Variants in TPM2 observed in about 807,000 individuals in gnomAD.
The protein encoded by TPM2 is tropomyosin beta chain.
A neutral mutation model predicts 41.0 loss-of-function variants in TPM2; 26 were observed. That is an observed-to-expected ratio of 0.63 (90% CI 0.46 to 0.88). TPM2 has a LOEUF of 0.88. Among genes scored for constraint, TPM2 ranks in the 40% least tolerant of loss-of-function variants. The pLI, the probability that TPM2 is intolerant of heterozygous loss-of-function variation, is 0.00. For missense variants in TPM2, 187 were observed against 355.2 expected (o/e 0.53, Z 3.81); for synonymous variants, 143 against 139.3 (o/e 1.03, Z -0.19).
intron 8 of TPM2, chr9:35,683,896 CAG>C (rs1435569772): frequency 2.7e-6 from 1 of 375,596 alleles, no homozygotes; most frequent in Non-Finnish European, 5.1e-6. Flanking sequence ...GGGTGCCACT[CAG>C]AGTGTGGCAT....
chr9:35,687,569 T>C (rs1824993261), intron 2 of TPM2, among the ~76,000 whole-genome samples: 1 of 151,936 alleles, frequency 6.6e-6, no homozygotes, highest in African/African-American at 2.4e-5. Context: ...GAGTAGATGG[T>C]AGCTTGTCTT....
intron 1 of TPM2, 47 bp from the exon 2 acceptor site, chr9:35,689,318 C>G (rs1444418248): frequency 6.2e-7 from 1 of 1,612,274 alleles, no homozygotes; most frequent in Non-Finnish European, 8.5e-7. Context: ...GGGGCCCAGG[C>G]CCAGAATGGA....
intron 2 of TPM2, among the ~76,000 whole-genome samples, chr9:35,688,779 C>A (rs995027244): frequency 6.6e-6 from 1 of 152,192 alleles, no homozygotes; most frequent in South Asian, 2.1e-4. Flanking sequence ...CACATCCCCC[C>A]ATCCCCAAAC....
chr9:35,682,251 A>G (rs541140582), downstream of TPM2: 329 of 1,399,232 alleles, frequency 2.4e-4, 1 homozygote, highest in Middle Eastern at 1.4e-3. Flanking sequence ...ACATATAGAC[A>G]TGGAGTGGGT....
chr9:35,685,878 G>A lies in TPM2; in HGVS notation c.241-98C>T. On this transcript the variant is annotated intron_variant, in intron 2 of 8. Transcript: ENST00000645482. The surrounding 1 kb of genome is among the most constrained non-coding windows in gnomAD (Gnocchi z 5.0). Reference sequence around the variant, plus strand: ...GGCGAGATTCTTCTCAGAAAGAACTGAGGCTTCCTGGTTTCTAGACATTCT... The same window carrying A: ...GGCGAGATTCTTCTCAGAAAGAACTAAGGCTTCCTGGTTTCTAGACATTCT... 2 of 1,583,172 alleles carry A rather than the reference G, an allele frequency of 1.3e-6. No homozygotes were observed. Among genetic ancestry groups the A allele is most frequent in the Non-Finnish European group, 1.7e-6 (2 of 1,155,644 alleles).
chr9:35,685,769 A>T lies in TPM2; in HGVS notation c.252T>A (p.Asp84Glu), dbSNP rs749348808. 1 of 1,614,156 alleles carries T rather than the reference A, an allele frequency of 6.2e-7. No individual in the cohort carries two copies. The highest frequency in any genetic ancestry group is 1.1e-5 in the South Asian group (1 of 91,082). ...AEKKATDAEA[D>E]VASLNRRIQL... ...GAATGCGGCGGTTCAGGGAGGCCAC[A>T]TCTGCCTCAGCCTGTGGGTCAGAGG... The change falls in exon 3 of 9, where the codon GAT (aspartate) becomes GAA (glutamate). Residue 84 changes from aspartate (D) to glutamate (E), a missense_variant. Coordinates refer to ENST00000645482, the MANE Select transcript of TPM2 (RefSeq NM_003289.4). This position sits in a 1 kb window ranked among gnomAD's most constrained non-coding sequence, Gnocchi z 5.0.
At chr9:35,682,237 G>T, downstream of TPM2, 1 of 1,492,318 alleles carries the variant, frequency 6.7e-7, no homozygotes, top group Non-Finnish European at 9.3e-7. Context: ...GCCAGGGGAA[G>T]GTGACATATA....
At position 35,685,898 on chromosome 9, in the gene TPM2, C is replaced by T; in HGVS notation, c.241-118G>A. 4 of 1,526,984 alleles carry T rather than the reference C, an allele frequency of 2.6e-6. No homozygotes were observed. The highest frequency in any genetic ancestry group is 1.8e-5 in the Admixed American group (1 of 55,658). 94.6% of individuals were successfully genotyped at this position (1,526,984 alleles called of 1,614,324 possible). The stretch of plus-strand genomic sequence containing the variant: ...GAACTGAGGCTTCCTGGTTTCTAGA[C>T]ATTCTATGTGATTTTTCCCCAACCA... On this transcript the variant is annotated intron_variant, in intron 2 of 8. Transcript: ENST00000645482. The surrounding 1 kb of genome is among the most constrained non-coding windows in gnomAD (Gnocchi z 5.0).
chr9:35,685,721 G>A lies in TPM2; in HGVS notation c.300C>T (p.Asp100=), dbSNP rs532190742. ...CTGTAGCCAGGCGCTCCTGGGCCCG[G>A]TCCAGCTCCTCCTCAACCAGCTGAA... ...RRIQLVEEEL[D]RAQERLATAL... The change falls in exon 3 of 9, where the codon GAC becomes GAT. Residue 100 remains aspartate, a synonymous_variant. Transcript: ENST00000645482. This position sits in a 1 kb window ranked among gnomAD's most constrained non-coding sequence, Gnocchi z 5.0. The A allele has an allele frequency of 3.8e-4, 616 of 1,614,148 alleles. 8 individuals are homozygous for A. In the South Asian group the frequency reaches 6.4e-3, roughly 17 times the overall value.
chr9:35,686,923 G>A (rs750614006), intron 2 of TPM2, among the ~76,000 whole-genome samples: 17 of 152,174 alleles, frequency 1.1e-4, no homozygotes, highest in East Asian at 1.9e-4. Flanking sequence ...CAAGGCGAGC[G>A]CCAGTAAAGG....
chr9:35,686,205 G>C (rs529630900), intron 2 of TPM2: 11 of 271,166 alleles, frequency 4.1e-5, no homozygotes, highest in Admixed American at 1.0e-4. Flanking sequence ...AGCTGAGGTC[G>C]TGCCACTGCA....
intron 1 of TPM2, among the ~76,000 whole-genome samples, 173 bp downstream of exon 1, chr9:35,689,531 G>A (rs1825130337): frequency 6.6e-6 from 1 of 152,216 alleles, no homozygotes; most frequent in African/African-American, 2.4e-5. Flanking sequence ...CCAGGCTATT[G>A]TAGGGGAGAG....
At chr9:35,690,025 A>G, upstream of TPM2, 1 of 1,395,960 alleles carries the variant, frequency 7.2e-7, no homozygotes, top group Non-Finnish European at 9.3e-7. Context: ...TTGTAGGGGC[A>G]GAAGCACGGC....
intron 2 of TPM2, among the ~76,000 whole-genome samples, chr9:35,687,575 GTCT>G (rs530585522): frequency 3.3e-4 from 50 of 152,178 alleles, no homozygotes; most frequent in African/African-American, 1.2e-3. Flanking sequence ...ATGGTAGCTT[GTCT>G]TCCAGGTGCT....
chr9:35,685,686 T>C lies in TPM2; in HGVS notation c.335A>G (p.Lys112Arg). 2 of 1,614,154 alleles carry C rather than the reference T, an allele frequency of 1.2e-6. No individual in the cohort carries two copies. The highest frequency in any genetic ancestry group is 1.7e-6 in the Non-Finnish European group (2 of 1,180,030). Reference sequence around the variant, plus strand: ...AGCCGCCTTCTCGGCCTCCTCCAGCTTCTGCAGGGCTGTAGCCAGGCGCTC... The same window carrying C: ...AGCCGCCTTCTCGGCCTCCTCCAGCCTCTGCAGGGCTGTAGCCAGGCGCTC... ...AQERLATALQ[K>R]LEEAEKAADE... Residue 112 changes from lysine (K) to arginine (R), a missense_variant, in exon 3 of 9, where the codon AAG becomes AGG. Lys to Arg is a conservative substitution (Grantham distance 26). Coordinates refer to ENST00000645482, the MANE Select transcript of TPM2 (RefSeq NM_003289.4). This position sits in a 1 kb window ranked among gnomAD's most constrained non-coding sequence, Gnocchi z 5.0.
At chr9:35,682,565 T>G (rs1045554595), downstream of TPM2, 9 of 1,238,674 alleles carry the variant, frequency 7.3e-6, no homozygotes, top group Non-Finnish European at 9.3e-6. Context: ...ATATCCAACA[T>G]TTTTCCAAGC....
At chr9:35,686,886 G>T (rs1391912948) in intron 2 of TPM2, among the ~76,000 whole-genome samples, 1 of 152,112 alleles carries the variant, frequency 6.6e-6, no homozygotes, top group African/African-American at 2.4e-5. Flanking sequence ...CATAAAAACT[G>T]GTCAAACACT....
chr9:35,685,399 T>C lies in TPM2; in HGVS notation c.492+35A>G. ...GAGAAGGACTGGGCATGTTGCAGGCTGGGCAGCGAGCAGGCAGAGGGGCAA... is the reference window on the plus strand; with the variant it reads ...GAGAAGGACTGGGCATGTTGCAGGCCGGGCAGCGAGCAGGCAGAGGGGCAA... On this transcript the variant is annotated intron_variant, in intron 4 of 8. Coordinates refer to ENST00000645482, the MANE Select transcript of TPM2 (RefSeq NM_003289.4). This position sits in a 1 kb window ranked among gnomAD's most constrained non-coding sequence, Gnocchi z 5.0. 1.2e-6 allele frequency: 2 copies of C among 1,614,106 alleles called. No individual in the cohort carries two copies. The highest frequency in any genetic ancestry group is 1.7e-6 in the Non-Finnish European group (2 of 1,179,984).
At chr9:35,686,343 A>C in intron 2 of TPM2, 1 of 167,850 alleles carries the variant, frequency 6.0e-6, no homozygotes, top group Non-Finnish European at 1.3e-5. Flanking sequence ...TAGTCTCCCA[A>C]AGGTCACCTG....
Sources: gnomAD v4.1 joint callset for allele counts (sites outside exome capture counted in the v4.1 genomes callset) on GRCh38, gnomAD v4.1.1 for gene constraint, Gnocchi (gnomAD v3.1) non-coding constraint, MANE v1.5 for transcripts, NCBI Gene and HGNC (gene_info 2026-07-23, HGNC 2026-07-21) for gene names.